The following DLC1 variants were observed in gnomAD, a reference collection of about 807,000 sequenced individuals.
The protein encoded by DLC1 is DLC1 Rho GTPase activating protein, also known as rho GTPase-activating protein 7.
In DLC1, 54 loss-of-function variants were observed where a neutral mutation model predicts 140.3. The observed-to-expected ratio is 0.38, with a 90% CI of 0.31 to 0.48. The LOEUF is 0.48. DLC1 is among the 20% of genes least tolerant of loss of function. DLC1 has a pLI of 0.96. For missense variants in DLC1, 2,536 were observed against 1,907.0 expected, an observed-to-expected ratio of 1.33 and a Z score of -6.14; for synonymous variants, 986 against 728.1, an observed-to-expected ratio of 1.35 and a Z score of -5.70.
At chr8:13,304,578 C>T in intron 5 of DLC1, 1 of 731,354 alleles carries the variant, frequency 1.4e-6, no homozygotes. Flanking sequence ...TCTTAAAAAT[C>T]ACAAATGTCT....
intron 5 of DLC1, among the ~76,000 whole-genome samples, chr8:13,303,237 CA>C (rs1349580425): frequency 2.0e-5 from 3 of 152,130 alleles, no homozygotes; most frequent in Non-Finnish European, 4.4e-5. Context: ...AGATTTTGCT[CA>C]AATCAGTCCA....
intron 2 of DLC1, among the ~76,000 whole-genome samples, chr8:13,444,649 T>C (rs1285280480): frequency 6.6e-6 from 1 of 152,200 alleles, no homozygotes; most frequent in Non-Finnish European, 1.5e-5. Context: ...ACAGTACTAC[T>C]CTTTTCCCAA....
chr8:13,316,131 A>G (rs1382890983), intron 4 of DLC1, among the ~76,000 whole-genome samples: 1 of 152,206 alleles, frequency 6.6e-6, no homozygotes, highest in Non-Finnish European at 1.5e-5. Flanking sequence ...GGTTAGGGAC[A>G]GCTAACCCTT....
intron 3 of DLC1, among the ~76,000 whole-genome samples, chr8:13,398,821 C>T (rs1294070218): frequency 6.6e-6 from 1 of 152,064 alleles, no homozygotes; most frequent in Non-Finnish European, 1.5e-5. Flanking sequence ...AGGAGCAACA[C>T]ATCTTTGATT....
At chr8:13,228,664 T>G (rs1828909243) in intron 5 of DLC1, among the ~76,000 whole-genome samples, 1 of 152,128 alleles carries the variant, frequency 6.6e-6, no homozygotes, top group Non-Finnish European at 1.5e-5. Context: ...GCAAGAAGAT[T>G]GCTTCAGCCC....
Position 13,188,843 on chromosome 8 carries a change from A to ATTT in DLC1, c.1349-73189_1349-73187dup, listed in dbSNP as rs869162448. ...TATATATATGTATATATATATATAT[A>ATTT]TTTTTTTTTTTTTTTTTTTTTTTTT... On this transcript the variant is annotated intron_variant, in intron 5 of 17. Transcript: ENST00000276297. Among the ~76,000 whole-genome samples the ATTT allele has an allele frequency of 1.5e-3, 47 of 30,636 alleles. 1 individual carries two copies. Among genetic ancestry groups the ATTT allele is most frequent in the African/African-American group, 4.4e-3 (41 of 9,308 alleles). 20.1% of individuals were successfully genotyped at this position (30,636 alleles called of 152,430 possible).
intron 2 of DLC1, among the ~76,000 whole-genome samples, chr8:13,468,025 A>G (rs1800020039): frequency 1.3e-5 from 2 of 152,142 alleles, no homozygotes; most frequent in African/African-American, 2.4e-5. Context: ...TTCTTTCTCT[A>G]GAAGAGTTTA....
At chr8:13,186,850 T>A (rs1055417555) in intron 5 of DLC1, among the ~76,000 whole-genome samples, 1 of 152,232 alleles carries the variant, frequency 6.6e-6, no homozygotes, top group Non-Finnish European at 1.5e-5. Context: ...AGATGAACTT[T>A]TTGTTGATGT....
intron 15 of DLC1, 49 bp downstream of exon 15, chr8:13,090,203 A>C: frequency 6.4e-7 from 1 of 1,564,988 alleles, no homozygotes; most frequent in Non-Finnish European, 8.7e-7. Context: ...TGATGGACCC[A>C]AGCTTCGACT....
intron 4 of DLC1, among the ~76,000 whole-genome samples, chr8:13,358,969 T>C (rs1380575654): frequency 7.0e-6 from 1 of 142,656 alleles, no homozygotes; most frequent in Non-Finnish European, 1.5e-5. Flanking sequence ...GGTGGAGTCT[T>C]GCTCTGTCGC....
At chr8:13,395,255 G>A (rs117221035) in intron 3 of DLC1, among the ~76,000 whole-genome samples, 6,234 of 151,878 alleles carry the variant, frequency 0.041, 190 homozygotes, top group South Asian at 0.12. Flanking sequence ...TTGAGTAGCT[G>A]GGATTACAGG....
intron 3 of DLC1, among the ~76,000 whole-genome samples, chr8:13,395,725 G>A (rs1837007714): frequency 6.6e-6 from 1 of 151,118 alleles, no homozygotes; most frequent in South Asian, 2.1e-4. Flanking sequence ...AAAAAGTAAT[G>A]TTACACTCTT....
chr8:13,572,503 C>G (rs1027927466), intron 1 of DLC1, among the ~76,000 whole-genome samples: 1 of 152,108 alleles, frequency 6.6e-6, no homozygotes, highest in Non-Finnish European at 1.5e-5. Flanking sequence ...TTCAGTTTTT[C>G]TATTTCTTCT....
chr8:13,342,633 T>C (rs959189220), intron 4 of DLC1: 9 of 152,160 alleles, frequency 5.9e-5, no homozygotes, highest in Non-Finnish European at 8.8e-5. Context: ...ATTCAAGGAA[T>C]TGGGACTAAA....
At chr8:13,327,216 G>T (rs1352106955) in intron 4 of DLC1, among the ~76,000 whole-genome samples, 2 of 136,264 alleles carry the variant, frequency 1.5e-5, no homozygotes, top group Admixed American at 8.5e-5. Flanking sequence ...CTCATGATCC[G>T]CCCGCCTTGG....
At chr8:13,220,394 G>T (rs552668152) in intron 5 of DLC1, among the ~76,000 whole-genome samples, 1 of 152,296 alleles carries the variant, frequency 6.6e-6, no homozygotes, top group East Asian at 1.9e-4. Flanking sequence ...AACAAGTGGG[G>T]ATCAGGTGGA....
chr8:13,578,366 C>G (rs539404126), intron 1 of DLC1, among the ~76,000 whole-genome samples: 1 of 152,254 alleles, frequency 6.6e-6, no homozygotes, highest in African/African-American at 2.4e-5. Flanking sequence ...CACAGTCACT[C>G]AACATTTATG....
chr8:13,591,844 C>T (rs986851210), intron 1 of DLC1, among the ~76,000 whole-genome samples: 1 of 152,042 alleles, frequency 6.6e-6, no homozygotes, highest in Admixed American at 6.6e-5. Context: ...TATTGAAATA[C>T]ACTGAGATGG....
chr8:13,110,682 T>G, intron 7 of DLC1, 60 bp downstream of exon 7: 39 of 1,479,078 alleles, frequency 2.6e-5, no homozygotes, highest in Non-Finnish European at 3.0e-5. Flanking sequence ...CCTATCTTTG[T>G]GAGAAGTACT....
Sources: allele counts gnomAD v4.1 joint callset (sites outside exome capture counted in the v4.1 genomes callset), GRCh38; gene constraint gnomAD v4.1.1; transcripts MANE v1.5; gene names NCBI Gene and HGNC (gene_info 2026-07-23, HGNC 2026-07-21).